Variants in CDH9 observed in about 807,000 individuals in gnomAD.
The protein encoded by CDH9 is cadherin-9.
Under a neutral mutation model 70.9 loss-of-function variants are expected in CDH9, and 28 were observed. That is an observed-to-expected ratio of 0.40 (90% CI 0.29 to 0.54). The LOEUF is 0.54. CDH9 is among the 20% of genes least tolerant of loss of function. The pLI is 0.59. For missense variants in CDH9, 874 were observed against 984.4 expected (o/e 0.89, Z 1.50); for synonymous variants, 409 against 343.1 (o/e 1.19, Z -2.12).
At chr5:26,884,294 A>G (rs751268005) in intron 11 of CDH9, among the ~76,000 whole-genome samples, 3 of 152,162 alleles carry the variant, frequency 2.0e-5, no homozygotes, top group African/African-American at 7.2e-5. Flanking sequence ...CTATGTGTGC[A>G]TGACTGTCTT....
chr5:26,917,066 TGAAA>T (rs1741161826), intron 2 of CDH9, among the ~76,000 whole-genome samples: 2 of 152,104 alleles, frequency 1.3e-5, no homozygotes, highest in African/African-American at 4.8e-5. Flanking sequence ...AATTACGAAT[TGAAA>T]AACAACCTTA....
chr5:26,903,502 A>G (rs373587353), intron 6 of CDH9, 135 bp downstream of exon 6: 1 of 752,714 alleles, frequency 1.3e-6, no homozygotes, highest in African/African-American at 1.7e-5. Flanking sequence ...TATCACAACT[A>G]TTCTCATTTA....
In CDH9 at chr5:26,884,712, G is replaced by A. The variant is rs1740530674; in HGVS notation, c.1882+902C>T. Among the ~76,000 whole-genome samples the A allele has an allele frequency of 3.3e-5, 5 of 152,188 alleles. No homozygotes were observed. The South Asian group carries it at 1.0e-3, about 32-fold the overall frequency. ...TCCAGATAGCTTGAAAGGATTTGCA[G>A]AGAAAAGGAGCTAGCACATACGAGC... On this transcript the variant is annotated intron_variant, in intron 11 of 11. Coordinates refer to ENST00000231021, the MANE Select transcript of CDH9 (RefSeq NM_016279.4).
intron 2 of CDH9, among the ~76,000 whole-genome samples, chr5:26,954,723 T>C (rs1236541686): frequency 6.6e-6 from 1 of 152,068 alleles, no homozygotes; most frequent in Non-Finnish European, 1.5e-5. Context: ...AAAAACAAAT[T>C]ACCACCATTT....
At chr5:27,007,822 T>C (rs1004617477) in intron 1 of CDH9, among the ~76,000 whole-genome samples, 1 of 152,162 alleles carries the variant, frequency 6.6e-6, no homozygotes, top group Non-Finnish European at 1.5e-5. Context: ...GATAAATTCA[T>C]GGATATTTCT....
chr5:26,890,447 A>C lies in CDH9; in HGVS notation c.1371T>G (p.Thr457=). The change falls in exon 8 of 12, where the codon ACT becomes ACG. Residue 457 remains threonine, a synonymous_variant. Transcript: ENST00000231021. The stretch of plus-strand genomic sequence containing the variant: ...ACTTACTTATTTCTGTGGCTGTAAC[A>C]GTGATGTTATGCCAAGGAGATGATT... ...DRESSPWHNI[T]VTATEINNPK... 6.2e-7 allele frequency: 1 copy of C among 1,613,636 alleles called. No individual in the cohort carries two copies. The highest frequency in any genetic ancestry group is 8.5e-7 in the Non-Finnish European group (1 of 1,179,592).
intron 1 of CDH9, among the ~76,000 whole-genome samples, chr5:27,024,641 C>T (rs896526703): frequency 6.6e-5 from 10 of 152,050 alleles, no homozygotes; most frequent in Non-Finnish European, 1.2e-4. Flanking sequence ...CTCTTTGATA[C>T]TTGCATTACC....
chr5:27,003,233 G>T (rs1313242268), intron 1 of CDH9, among the ~76,000 whole-genome samples: 2 of 152,036 alleles, frequency 1.3e-5, no homozygotes, highest in Non-Finnish European at 2.9e-5. Flanking sequence ...AATTTTGGAT[G>T]TTCTACCTGT....
intron 2 of CDH9, among the ~76,000 whole-genome samples, chr5:26,937,888 C>A (rs553682148): frequency 1.3e-5 from 2 of 151,950 alleles, no homozygotes; most frequent in East Asian, 1.9e-4. Context: ...TGTATAATAT[C>A]AAAATGGTGG....
At chr5:26,982,308 C>T (rs994507918) in intron 2 of CDH9, among the ~76,000 whole-genome samples, 2 of 151,994 alleles carry the variant, frequency 1.3e-5, no homozygotes, top group Non-Finnish European at 1.5e-5. Context: ...TTCTACCACA[C>T]TTAATATTTT....
In CDH9 at chr5:26,886,093, A is replaced by AAATT. The variant is rs756454129; in HGVS notation, c.1513-14_1513-11dup. ...TGACAGTCTGAATCAACTGAAACCA[A>AAATT]AATTAATTAATTAATTAATTAAGCC... On this transcript the variant is annotated splice_polypyrimidine_tract_variant and intron_variant, in intron 9 of 11. Transcript: ENST00000231021. The AAATT allele has an allele frequency of 8.9e-5, 141 of 1,577,102 alleles. No homozygotes were observed. The African/African-American group carries it at 1.2e-3, about 13-fold the overall frequency.
At chr5:26,959,282 A>G (rs1227975759) in intron 2 of CDH9, among the ~76,000 whole-genome samples, 1 of 152,172 alleles carries the variant, frequency 6.6e-6, no homozygotes, top group Non-Finnish European at 1.5e-5. Context: ...CATTAGGTCA[A>G]TGCTAAACAA....
Position 26,890,539 on chromosome 5 carries a change from T to C in CDH9, c.1279A>G (p.Met427Val). ...IKYSVDRHTD[M>V]DRIFGIHSEN... ...GAGTGAATACCAAAAATACGGTCCATATCAGTATGCCGATCAACAGAGTAC... is the reference window on the plus strand; with the variant it reads ...GAGTGAATACCAAAAATACGGTCCACATCAGTATGCCGATCAACAGAGTAC... Residue 427 changes from methionine (M) to valine (V), a missense_variant, in exon 8 of 12, where the codon ATG (methionine) becomes GTG (valine). By Grantham distance (21) the Met-to-Val change is conservative (BLOSUM62 1). Transcript: ENST00000231021. 1 of 1,608,024 alleles carries C rather than the reference T, an allele frequency of 6.2e-7. No homozygotes were observed. Among genetic ancestry groups the C allele is most frequent in the Admixed American group, 1.7e-5 (1 of 60,014 alleles).
At chr5:26,981,878 TA>T (rs35361878) in intron 2 of CDH9, among the ~76,000 whole-genome samples, 69,281 of 151,356 alleles carry the variant, frequency 0.46, 16,590 homozygotes, top group Non-Finnish European at 0.5. Context: ...TTAGGTTTTT[TA>T]AAATGATTTT....
chr5:27,001,255 C>A (rs954756954), intron 1 of CDH9, among the ~76,000 whole-genome samples: 5 of 151,990 alleles, frequency 3.3e-5, no homozygotes, highest in Non-Finnish European at 7.4e-5. Context: ...AACATGCTGG[C>A]GTAAGTAATT....
chr5:27,024,742 TACG>T (rs547060154), intron 1 of CDH9, among the ~76,000 whole-genome samples: 2 of 152,124 alleles, frequency 1.3e-5, no homozygotes, highest in Non-Finnish European at 2.9e-5. Context: ...AATTAATTGA[TACG>T]ACATTGAAAC....
chr5:27,030,597 C>T (rs1306045044), intron 1 of CDH9, among the ~76,000 whole-genome samples: 1 of 150,618 alleles, frequency 6.6e-6, no homozygotes, highest in Non-Finnish European at 1.5e-5. Flanking sequence ...AATAAGTCAT[C>T]ACAGTTTATT....
intron 1 of CDH9, among the ~76,000 whole-genome samples, chr5:27,004,271 G>C (rs1313442683): frequency 6.6e-6 from 1 of 152,038 alleles, no homozygotes; most frequent in Non-Finnish European, 1.5e-5. Context: ...GTGGAGAAAG[G>C]ATGTTTAGGA....
chr5:27,033,469 TAGAC>T (rs79016337), intron 1 of CDH9, among the ~76,000 whole-genome samples: 66,448 of 150,580 alleles, frequency 0.44, 15,397 homozygotes, highest in Non-Finnish European at 0.5. Flanking sequence ...AAGACATAGA[TAGAC>T]AGACAGATAG....
Sources: allele counts gnomAD v4.1 joint callset (sites outside exome capture counted in the v4.1 genomes callset), GRCh38; gene constraint gnomAD v4.1.1; transcripts MANE v1.5; gene names NCBI Gene and HGNC (gene_info 2026-07-23, HGNC 2026-07-21).